The following RELN variants were observed in gnomAD, a reference collection of about 807,000 sequenced individuals.
RELN encodes reelin.
Under a neutral mutation model 427.6 loss-of-function variants are expected in RELN, and 108 were observed. That is an observed-to-expected ratio of 0.25 (90% confidence interval 0.22 to 0.30). The LOEUF is 0.30. RELN is among the 10% of genes least tolerant of loss of function. RELN has a pLI of 1.00. For missense variants in RELN, 3,715 were observed against 4,302.8 expected (o/e 0.86, Z 3.82); for synonymous variants, 1,524 against 1,513.4 (o/e 1.01, Z -0.16).
intron 46 of RELN, among the ~76,000 whole-genome samples, chr7:103,533,770 A>G (rs1367798757): frequency 6.6e-6 from 1 of 152,230 alleles, no homozygotes; most frequent in East Asian, 1.9e-4. Flanking sequence ...TTTCTTGAGT[A>G]AAAGACTCAA....
At chr7:103,547,498 T>C (rs1252332554) in intron 41 of RELN, among the ~76,000 whole-genome samples, 1 of 152,154 alleles carries the variant, frequency 6.6e-6, no homozygotes, top group Non-Finnish European at 1.5e-5. Flanking sequence ...GGTTTCATCA[T>C]GTTGGCCAGG....
chr7:103,973,501 C>A (rs1283644464), intron 1 of RELN, among the ~76,000 whole-genome samples: 5 of 151,812 alleles, frequency 3.3e-5, no homozygotes, highest in Admixed American at 3.3e-4. Flanking sequence ...TATATTAACA[C>A]AATGGGCATA....
At chr7:103,622,601 T>TG (rs1268430189) in intron 20 of RELN, among the ~76,000 whole-genome samples, 1 of 152,200 alleles carries the variant, frequency 6.6e-6, no homozygotes. Flanking sequence ...CTTGGCTGCC[T>TG]CAGGGTATCT....
At chr7:103,973,274 A>G (rs1469924791) in intron 1 of RELN, among the ~76,000 whole-genome samples, 1 of 152,248 alleles carries the variant, frequency 6.6e-6, no homozygotes, top group Non-Finnish European at 1.5e-5. Context: ...GTGTGGTTCT[A>G]GGGGAACCCT....
Position 103,824,763 on chromosome 7 carries a change from C to T in RELN, c.473+8774G>A, listed in dbSNP as rs1284990236. Among the ~76,000 whole-genome samples the T allele has an allele frequency of 6.6e-6, 1 of 151,486 alleles. No homozygotes were observed. The highest frequency in any genetic ancestry group is 1.5e-5 in the Non-Finnish European group (1 of 67,900). On this transcript the variant is annotated intron_variant, in intron 3 of 64. Coordinates refer to ENST00000428762, the MANE Select transcript of RELN (RefSeq NM_005045.4). This position sits in a 1 kb window ranked among gnomAD's most constrained non-coding sequence, Gnocchi z 4.4. ...TCAGTCTTCCATGATGCCAGAAATCCTCTACAAACATATTTTTATGTGTCT... is the reference window on the plus strand; with the variant it reads ...TCAGTCTTCCATGATGCCAGAAATCTTCTACAAACATATTTTTATGTGTCT...
At chr7:103,938,921 C>T (rs903432383) in intron 1 of RELN, among the ~76,000 whole-genome samples, 6 of 151,798 alleles carry the variant, frequency 4.0e-5, no homozygotes, top group African/African-American at 1.5e-4. Flanking sequence ...CTAAAAAAGT[C>T]ATTCTCCTAA....
chr7:103,590,308 A>G (rs541511654), intron 27 of RELN, among the ~76,000 whole-genome samples: 1 of 152,258 alleles, frequency 6.6e-6, no homozygotes, highest in Non-Finnish European at 1.5e-5. Flanking sequence ...TCATGCCTGT[A>G]ATCCCAGCAC....
At chr7:103,864,579 C>G (rs1001287900) in intron 2 of RELN, among the ~76,000 whole-genome samples, 1 of 152,124 alleles carries the variant, frequency 6.6e-6, no homozygotes, top group African/African-American at 2.4e-5. Context: ...TTTCACTTTG[C>G]ACGAAGTCCT....
At chr7:103,747,642 C>CTTTT (rs541976561) in intron 6 of RELN, among the ~76,000 whole-genome samples, 2 of 123,866 alleles carry the variant, frequency 1.6e-5, no homozygotes, top group African/African-American at 3.0e-5. Context: ...CCTACTCTCA[C>CTTTT]TTTTTTTTTT....
At chr7:103,491,918 A>G (rs1309864096) in intron 58 of RELN, 35 bp downstream of exon 58, 2 of 1,445,270 alleles carry the variant, frequency 1.4e-6, no homozygotes, top group Non-Finnish European at 9.6e-7. Context: ...GGGGTATTCA[A>G]GTTTGAAGAT....
intron 24 of RELN, among the ~76,000 whole-genome samples, chr7:103,599,962 T>A (rs1427469626): frequency 6.6e-6 from 1 of 152,222 alleles, no homozygotes; most frequent in African/African-American, 2.4e-5. Flanking sequence ...AATGGTGTGA[T>A]CACAGCTCAC....
chr7:103,881,187 A>G (rs1794598980), intron 2 of RELN, among the ~76,000 whole-genome samples: 1 of 152,128 alleles, frequency 6.6e-6, no homozygotes. Context: ...TTCTACAAAA[A>G]CTGGCCTTAA....
chr7:103,629,114 T>C (rs758483961), intron 20 of RELN, among the ~76,000 whole-genome samples: 2 of 152,224 alleles, frequency 1.3e-5, no homozygotes, highest in Non-Finnish European at 2.9e-5. Flanking sequence ...TCTCCCACTT[T>C]CCAATCAGTA....
chr7:103,856,569 CAA>C (rs34695080), intron 2 of RELN, among the ~76,000 whole-genome samples: 105 of 80,350 alleles, frequency 1.3e-3, no homozygotes, highest in African/African-American at 3.9e-3. Context: ...AACTCCACCT[CAA>C]AAAAAAAAAA....
At chr7:103,557,753 A>G (rs1830557139) in intron 37 of RELN, among the ~76,000 whole-genome samples, 1 of 152,240 alleles carries the variant, frequency 6.6e-6, no homozygotes, top group African/African-American at 2.4e-5. Context: ...GATTACAGCT[A>G]TATGAAATTA....
At chr7:103,792,006 C>A (rs1185613625) in intron 3 of RELN, among the ~76,000 whole-genome samples, 2 of 151,906 alleles carry the variant, frequency 1.3e-5, no homozygotes, top group Non-Finnish European at 2.9e-5. Context: ...TAGGGAAATG[C>A]AATGAAATGA....
intron 49 of RELN, among the ~76,000 whole-genome samples, chr7:103,516,385 A>G (rs867409177): frequency 2.0e-5 from 3 of 151,520 alleles, no homozygotes; most frequent in Non-Finnish European, 2.9e-5. Flanking sequence ...TCCTGGGTGC[A>G]AGCAATTCTC....
Position 103,563,680 on chromosome 7 carries a change from T to G in RELN, c.5210+1598A>C, listed in dbSNP as rs1010173001. On this transcript the variant is annotated intron_variant, in intron 34 of 64. Coordinates refer to ENST00000428762, the MANE Select transcript of RELN (RefSeq NM_005045.4). The surrounding 1 kb of genome is among the most constrained non-coding windows in gnomAD (Gnocchi z 4.1). ...CTAGGCCTTCACATTCACTCACCAC[T>G]CACTCACCCACTCACCCAGAGCAAC... 1.3e-5 allele frequency among the ~76,000 whole-genome samples: 2 copies of G among 150,852 alleles called. No individual in the cohort carries two copies. The highest frequency in any genetic ancestry group is 1.4e-4 in the Admixed American group (2 of 14,060).
chr7:103,780,331 C>T (rs1198862251), intron 3 of RELN, among the ~76,000 whole-genome samples: 2 of 152,190 alleles, frequency 1.3e-5, no homozygotes, highest in African/African-American at 2.4e-5. Context: ...TCACCTAGTA[C>T]ATAGTATTTG....
Sources: allele counts gnomAD v4.1 joint callset (sites outside exome capture counted in the v4.1 genomes callset), GRCh38; gene constraint gnomAD v4.1.1; non-coding constraint Gnocchi (gnomAD v3.1); transcripts MANE v1.5; gene names NCBI Gene and HGNC (gene_info 2026-07-23, HGNC 2026-07-21).